Variants in LAMC3 observed in about 807,000 individuals in gnomAD.
LAMC3 encodes laminin subunit gamma 3, also known as laminin subunit gamma-3.
In LAMC3, 128 loss-of-function variants were observed where a neutral mutation model predicts 173.8. The ratio of observed to expected loss-of-function variants is 0.74; its 90% CI spans 0.64 to 0.85. The LOEUF (loss-of-function observed/expected upper bound fraction) is 0.85, where lower values mean the gene tolerates loss of function less well. Among genes scored for constraint, LAMC3 ranks in the 40% least tolerant of loss-of-function variants. LAMC3 has a pLI of 0.00. For synonymous variants in LAMC3, 897 were observed against 909.1 expected (o/e 0.99, Z 0.24); for missense variants, 2,022 against 2,156.0 (o/e 0.94, Z 1.23).
chr9:131,069,875 C>T (rs1374181785), intron 17 of LAMC3, 25 bp downstream of exon 17: 4 of 1,562,610 alleles, frequency 2.6e-6, no homozygotes, highest in Non-Finnish European at 3.5e-6. Flanking sequence ...ACCCACTCAC[C>T]TTTCCATTCA....
rs181080291 is a variant in LAMC3, at chr9:131,032,755, G to C, written c.809+580G>C. The stretch of plus-strand genomic sequence containing the variant: ...GCAATCTCAGCTCACTGCAACCTCT[G>C]CCTCCCAGGTTCAAGGTATTCACCT... On this transcript the variant is annotated intron_variant, in intron 3 of 27. Coordinates refer to ENST00000361069, the MANE Select transcript of LAMC3 (RefSeq NM_006059.4). 6.2e-3 allele frequency among the ~76,000 whole-genome samples: 941 copies of C among 152,248 alleles called. 4 individuals carry two copies. The highest frequency in any genetic ancestry group is 0.014 in the Middle Eastern group (4 of 294).
At chr9:131,031,446 C>G (rs569387813) in intron 2 of LAMC3, among the ~76,000 whole-genome samples, 2 of 152,178 alleles carry the variant, frequency 1.3e-5, no homozygotes, top group Non-Finnish European at 2.9e-5. Context: ...TCCCTGCTCT[C>G]GTGGAAGAGA....
intron 17 of LAMC3, 67 bp downstream of exon 17, chr9:131,069,917 C>A: frequency 6.7e-7 from 1 of 1,483,000 alleles, no homozygotes; most frequent in Non-Finnish European, 9.2e-7. Flanking sequence ...CAGCTCTATG[C>A]CGGGCACCAG....
chr9:131,025,274 G>C (rs544050790), intron 1 of LAMC3, among the ~76,000 whole-genome samples: 1 of 152,256 alleles, frequency 6.6e-6, no homozygotes, highest in South Asian at 2.1e-4. Context: ...GGCATTGCCT[G>C]TTGACATCCC....
At chr9:131,039,281 T>C (rs757636987) in intron 6 of LAMC3, 33 bp downstream of exon 6, 3 of 1,538,756 alleles carry the variant, frequency 1.9e-6, no homozygotes, top group Admixed American at 3.3e-5. Context: ...TATGGACACA[T>C]TGCACTGAAT....
In LAMC3 at chr9:131,067,003, G is replaced by A. The variant is rs749823705; in HGVS notation, c.2391G>A (p.Pro797=). ...EVCDDGFFGD[P]LGLFGHPQPC... ...GTGATGATGGCTTTTTTGGGGACCCGCTGGGGCTCTTTGGGCACCCCCAGC... is the reference window on the plus strand; with the variant it reads ...GTGATGATGGCTTTTTTGGGGACCCACTGGGGCTCTTTGGGCACCCCCAGC... The change falls in exon 14 of 28, where the codon CCG becomes CCA. Residue 797 remains proline, a synonymous_variant. Coordinates refer to ENST00000361069, the MANE Select transcript of LAMC3 (RefSeq NM_006059.4). The A allele has an allele frequency of 5.6e-6, 9 of 1,613,790 alleles. No homozygotes were observed. The Admixed American group carries it at 1.0e-4, about 18-fold the overall frequency.
chr9:131,091,087 G>A (rs1287519385), intron 27 of LAMC3, among the ~76,000 whole-genome samples: 2 of 152,324 alleles, frequency 1.3e-5, no homozygotes, highest in Admixed American at 1.3e-4. Context: ...ATGGTGGTGT[G>A]GGCCTGTGGT....
Position 131,052,656 on chromosome 9 carries a change from A to G in LAMC3, c.1796A>G (p.His599Arg). The G allele has an allele frequency of 1.2e-6, 2 of 1,613,746 alleles. No individual in the cohort carries two copies. Among genetic ancestry groups the G allele is most frequent in the Non-Finnish European group, 1.7e-6 (2 of 1,179,894 alleles). Reference protein sequence around the residue: ...SSLSGPQDAGHPREVELRFHL... With the variant: ...SSLSGPQDAGRPREVELRFHL... ...CTGTCTGGCCCCCAGGATGCCGGGC[A>G]TCCCAGGGAGGTAGAGCTCAGGTTC... The change falls in exon 10 of 28, where the codon CAT (histidine) becomes CGT (arginine). Residue 599 changes from histidine to arginine, a missense_variant. Physicochemically the swap from His to Arg is conservative, Grantham distance 29. Transcript: ENST00000361069.
chr9:131,032,742 C>A (rs1290566600), intron 3 of LAMC3, among the ~76,000 whole-genome samples: 1 of 152,324 alleles, frequency 6.6e-6, no homozygotes, highest in Middle Eastern at 3.4e-3. Flanking sequence ...AATCTCAGCT[C>A]ACTGCAACCT....
chr9:131,082,727 AAT>A (rs1342146277), intron 24 of LAMC3, among the ~76,000 whole-genome samples: 1 of 152,196 alleles, frequency 6.6e-6, no homozygotes, highest in African/African-American at 2.4e-5. Flanking sequence ...TGTGATACCC[AAT>A]TTGCTCCAGA....
chr9:131,062,698 G>A (rs143707687), intron 13 of LAMC3, among the ~76,000 whole-genome samples: 2,094 of 151,820 alleles, frequency 0.014, 28 homozygotes, highest in Non-Finnish European at 0.021. Flanking sequence ...GCAAAACCTC[G>A]TCTCTACTAA....
chr9:131,011,170 A>G (rs1833408994), intron 1 of LAMC3, among the ~76,000 whole-genome samples: 1 of 152,182 alleles, frequency 6.6e-6, no homozygotes, highest in African/African-American at 2.4e-5. Flanking sequence ...CCCAGACCCC[A>G]CTGGGGGTAT....
chr9:131,017,773 C>T (rs188378826), intron 1 of LAMC3, among the ~76,000 whole-genome samples: 2 of 150,772 alleles, frequency 1.3e-5, no homozygotes, highest in Admixed American at 1.3e-4. Context: ...CACCTGTAAT[C>T]CCAGCACTTT....
intron 3 of LAMC3, among the ~76,000 whole-genome samples, chr9:131,034,101 C>T (rs1044382853): frequency 9.8e-5 from 15 of 152,344 alleles, no homozygotes; most frequent in Non-Finnish European, 1.8e-4. Context: ...TGGGTTCCAG[C>T]TGCCAGAGCC....
chr9:131,093,511 G>A lies in LAMC3; in HGVS notation c.*1724G>A, dbSNP rs2133361148. The stretch of plus-strand genomic sequence containing the variant: ...AACAGTCCGGGGCCCGCAGGGTTGG[G>A]GCTCGGCCAGCTTGCATCACTCCAG... On this transcript the variant is annotated 3_prime_UTR_variant, in exon 28 of 28. Transcript: ENST00000361069. The A allele has an allele frequency of 6.6e-6, 1 of 152,478 alleles. No individual in the cohort carries two copies. The highest frequency in any genetic ancestry group is 2.4e-5 in the African/African-American group (1 of 41,570). The allele number at this position is 152,478 out of a possible 1,614,324, so 9.4% of individuals were successfully genotyped here.
chr9:131,056,206 A>C (rs1180756999), intron 11 of LAMC3, among the ~76,000 whole-genome samples: 2 of 152,058 alleles, frequency 1.3e-5, no homozygotes, highest in African/African-American at 4.8e-5. Context: ...TCTTAAAAAC[A>C]ACCAAAACAA....
rs1833364915 is a variant in LAMC3 at position 131,009,412 on chromosome 9, C to T, written c.198C>T (p.Gly66=). 1 of 1,540,608 alleles carries T rather than the reference C, an allele frequency of 6.5e-7. No homozygotes were observed. The highest frequency in any genetic ancestry group is 8.7e-7 in the Non-Finnish European group (1 of 1,145,056). The change falls in exon 1 of 28, where the codon GGC becomes GGT. Residue 66 remains glycine (G), a synonymous_variant. Coordinates refer to ENST00000361069, the MANE Select transcript of LAMC3 (RefSeq NM_006059.4). This position sits in a 1 kb window ranked among gnomAD's most constrained non-coding sequence, Gnocchi z 4.3. The part of the protein sequence containing the change: ...SPPEDFCPHV[G]AAGAGAHCQR... ...CCGAGGACTTCTGTCCCCACGTGGG[C>T]GCCGCGGGCGCGGGGGCTCATTGCC...
In LAMC3 at chr9:131,071,777, A is replaced by C. The variant is rs922286700; in HGVS notation, c.3211+152A>C. ...CTAGCCCACCTGTAACTTTATTAAT[A>C]TCAGTCCTTGTCACCATGCCTCTGC... On this transcript the variant is annotated intron_variant, in intron 18 of 27. Transcript: ENST00000361069. 3 of 731,260 alleles carry C rather than the reference A, an allele frequency of 4.1e-6. No individual in the cohort carries two copies. The Admixed American group carries it at 9.1e-5, about 22-fold the overall frequency. The allele number at this position is 731,260 out of a possible 1,614,324, so 45.3% of individuals were successfully genotyped here.
chr9:131,068,708 ATCT>A (rs1829986900), intron 15 of LAMC3, among the ~76,000 whole-genome samples, 197 bp from the exon 16 acceptor site: 1 of 152,030 alleles, frequency 6.6e-6, no homozygotes, highest in Non-Finnish European at 1.5e-5. Flanking sequence ...GCCTTATTTT[ATCT>A]TCTTTTCTCC....
Sources: gnomAD v4.1 joint callset for allele counts (sites outside exome capture counted in the v4.1 genomes callset) on GRCh38, gnomAD v4.1.1 for gene constraint, Gnocchi (gnomAD v3.1) non-coding constraint, MANE v1.5 for transcripts, NCBI Gene and HGNC (gene_info 2026-07-23, HGNC 2026-07-21) for gene names.